The following RBFOX1 variants were observed in gnomAD, a reference collection of about 807,000 sequenced individuals.
RBFOX1 encodes RNA binding protein fox-1 homolog 1.
In RBFOX1, 8 loss-of-function variants were observed where a neutral mutation model predicts 57.7. The ratio of observed to expected loss-of-function variants is 0.14; its 90% CI spans 0.08 to 0.25. RBFOX1 has a LOEUF of 0.25. Among genes scored for constraint, RBFOX1 ranks in the 10% least tolerant of loss-of-function variants. The probability of loss-of-function intolerance (pLI) is 1.00; values close to 1 mark genes in which losing one functional copy is unlikely to be tolerated. For missense variants in RBFOX1, 611 were observed against 548.5 expected (o/e 1.11, Z -1.14); for synonymous variants, 326 against 222.4 (o/e 1.47, Z -4.15).
chr16:6,594,971 CAG>C (rs2097762606), intron 2 of RBFOX1, among the ~76,000 whole-genome samples: 2 of 151,976 alleles, frequency 1.3e-5, no homozygotes, highest in African/African-American at 4.8e-5. Flanking sequence ...GTGTTTATAG[CAG>C]AGACAAGGTT....
chr16:6,935,747 G>T (rs2077259378), intron 3 of RBFOX1, among the ~76,000 whole-genome samples: 1 of 152,154 alleles, frequency 6.6e-6, no homozygotes, highest in Admixed American at 6.6e-5. Context: ...GTTTTAATCA[G>T]AAGAATGGAA....
chr16:6,828,567 G>T (rs1167733989), intron 3 of RBFOX1, among the ~76,000 whole-genome samples: 3 of 151,784 alleles, frequency 2.0e-5, no homozygotes, highest in African/African-American at 7.3e-5. Context: ...ACTAGAGGCT[G>T]TGGGCTGATC....
chr16:7,435,073 A>G (rs963574288), intron 4 of RBFOX1, among the ~76,000 whole-genome samples: 17 of 152,172 alleles, frequency 1.1e-4, no homozygotes, highest in African/African-American at 3.6e-4. Context: ...TAATGAACCA[A>G]TATTGATACA....
At chr16:7,226,346 T>C (rs964388339) in intron 4 of RBFOX1, among the ~76,000 whole-genome samples, 1 of 152,270 alleles carries the variant, frequency 6.6e-6, no homozygotes, top group African/African-American at 2.4e-5. Flanking sequence ...AAGTGCAGTG[T>C]GTAATGCCCA....
chr16:5,730,999 C>T (rs1342253955), intron 3 of RBFOX1, among the ~76,000 whole-genome samples: 1 of 148,302 alleles, frequency 6.7e-6, no homozygotes, highest in African/African-American at 2.4e-5. Flanking sequence ...ATCACCATTA[C>T]CACTGCCATT....
At chr16:7,113,915 T>C (rs1005563675) in intron 4 of RBFOX1, among the ~76,000 whole-genome samples, 1 of 152,176 alleles carries the variant, frequency 6.6e-6, no homozygotes, top group Non-Finnish European at 1.5e-5. Context: ...GATTTCTTTT[T>C]ATAGGATATA....
At chr16:6,247,101 C>G (rs961964155) in intron 1 of RBFOX1, among the ~76,000 whole-genome samples, 1 of 152,182 alleles carries the variant, frequency 6.6e-6, no homozygotes, top group African/African-American at 2.4e-5. Flanking sequence ...ATTCTGACCA[C>G]TGTAGCATTG....
At chr16:5,933,248 C>G (rs2059103269) in intron 4 of RBFOX1, among the ~76,000 whole-genome samples, 3 of 152,218 alleles carry the variant, frequency 2.0e-5, no homozygotes, top group Admixed American at 2.0e-4. Flanking sequence ...TTGCGAGGTT[C>G]CGATGTTGCC....
chr16:7,273,574 C>T (rs1394074675), intron 4 of RBFOX1, among the ~76,000 whole-genome samples: 1 of 152,090 alleles, frequency 6.6e-6, no homozygotes, highest in East Asian at 1.9e-4. Flanking sequence ...TTCATTTTTT[C>T]AATGGAAAAG....
intron 2 of RBFOX1, among the ~76,000 whole-genome samples, chr16:6,332,499 G>A (rs1211455401): frequency 1.3e-5 from 2 of 152,212 alleles, no homozygotes; most frequent in Non-Finnish European, 2.9e-5. Flanking sequence ...GTTGAATATA[G>A]GAGACATGAC....
chr16:7,280,861 C>G (rs920979407), intron 4 of RBFOX1, among the ~76,000 whole-genome samples: 21 of 151,990 alleles, frequency 1.4e-4, no homozygotes, highest in Non-Finnish European at 2.1e-4. Context: ...TTGAGAACCG[C>G]TATCCTATGG....
intron 2 of RBFOX1, among the ~76,000 whole-genome samples, chr16:6,484,546 A>G (rs1269537724): frequency 6.6e-6 from 1 of 152,196 alleles, no homozygotes; most frequent in Non-Finnish European, 1.5e-5. Context: ...ACTGTTATGC[A>G]TTTATAGAAT....
At chr16:5,424,995 TTTCTTTTC>T (rs1555514915) in intron 1 of RBFOX1, among the ~76,000 whole-genome samples, 3 of 52,478 alleles carry the variant, frequency 5.7e-5, no homozygotes, top group Admixed American at 2.7e-4. Flanking sequence ...TTTCTTTTCT[TTTCTTTTC>T]TTTTCTTTTC....
At chr16:5,818,493 A>G (rs756557352) in intron 3 of RBFOX1, among the ~76,000 whole-genome samples, 3 of 152,204 alleles carry the variant, frequency 2.0e-5, no homozygotes, top group Non-Finnish European at 4.4e-5. Flanking sequence ...GCCATGTGCC[A>G]GATACTGTGC....
intron 2 of RBFOX1, among the ~76,000 whole-genome samples, chr16:6,564,194 C>T (rs187249161): frequency 6.6e-6 from 1 of 152,102 alleles, no homozygotes; most frequent in African/African-American, 2.4e-5. Context: ...GATTGCCTTG[C>T]TTACCCTCAC....
At chr16:5,375,009 G>A (rs1215648721) in intron 1 of RBFOX1, among the ~76,000 whole-genome samples, 1 of 141,148 alleles carries the variant, frequency 7.1e-6, no homozygotes, top group African/African-American at 2.7e-5. Context: ...TGGAATTCCA[G>A]AGAGGCCACC....
intron 4 of RBFOX1, among the ~76,000 whole-genome samples, chr16:7,199,995 G>C (rs2087899074): frequency 6.6e-6 from 1 of 152,302 alleles, no homozygotes; most frequent in South Asian, 2.1e-4. Context: ...ATTCTTGAAT[G>C]TGCTCAGAAT....
Position 6,441,755 on chromosome 16 carries a change from C to T in RBFOX1, c.-64+124698C>T, listed in dbSNP as rs144346390. 2.0e-3 allele frequency among the ~76,000 whole-genome samples: 300 copies of T among 152,276 alleles called. 1 individual carries two copies. Among genetic ancestry groups the T allele is most frequent in the South Asian group, 5.0e-3 (24 of 4,824 alleles). ...TCTTATTTCTGACTGTCTGTCTTCA[C>T]GTAGCCAGGATATAGCCCATGTTTT... On this transcript the variant is annotated intron_variant, in intron 2 of 15. Transcript: ENST00000550418.
chr16:6,982,110 A>C (rs761834079), intron 3 of RBFOX1, among the ~76,000 whole-genome samples: 131 of 152,172 alleles, frequency 8.6e-4, no homozygotes, highest in Non-Finnish European at 1.3e-3. Flanking sequence ...CCCCCGCACC[A>C]ATGACTAAAC....
Sources: gnomAD v4.1 joint callset for allele counts (sites outside exome capture counted in the v4.1 genomes callset) on GRCh38, gnomAD v4.1.1 for gene constraint, MANE v1.5 for transcripts, NCBI Gene and HGNC (gene_info 2026-07-23, HGNC 2026-07-21) for gene names.